Variants in NYAP1 observed in about 807,000 individuals in gnomAD.
The protein encoded by NYAP1 is neuronal tyrosine-phosphorylated phosphoinositide-3-kinase adapter 1.
Under a neutral mutation model 58.6 loss-of-function variants are expected in NYAP1, and 20 were observed. The ratio of observed to expected loss-of-function variants is 0.34; its 90% CI spans 0.24 to 0.50. The LOEUF (loss-of-function observed/expected upper bound fraction) is 0.50, where lower values mean the gene tolerates loss of function less well. Ranked by LOEUF, NYAP1 falls within the 20% of genes least tolerant of loss-of-function variation. The probability of loss-of-function intolerance (pLI) is 0.98; values close to 1 mark genes in which losing one functional copy is unlikely to be tolerated. For synonymous variants in NYAP1, 572 were observed against 523.1 expected (o/e 1.09, Z -1.27); for missense variants, 1,150 against 1,194.5 (o/e 0.96, Z 0.55).
rs1799688156 is a variant in NYAP1, at chr7:100,485,233, C to G, written c.-79C>G. On this transcript the variant is annotated 5_prime_UTR_variant, in exon 2 of 7. The change creates a new upstream start codon in the 5' untranslated region. Coordinates refer to ENST00000300179, the MANE Select transcript of NYAP1 (RefSeq NM_173564.4). This position sits in a 1 kb window ranked among gnomAD's most constrained non-coding sequence, Gnocchi z 5.7. ...TCACCCACCCCGCCCGCCAGTGGAT[C>G]CGGGACCCAGGGAGGGCCGCCCCCC... 1 of 748,942 alleles carries G rather than the reference C, an allele frequency of 1.3e-6. No homozygotes were observed. Among genetic ancestry groups the G allele is most frequent in the African/African-American group, 1.8e-5 (1 of 56,780 alleles). The allele number at this position is 748,942 out of a possible 1,614,324, so 46.4% of individuals were successfully genotyped here.
chr7:100,488,629 C>T lies in NYAP1; in HGVS notation c.908C>T (p.Pro303Leu), dbSNP rs1799740970. 6.2e-6 allele frequency: 10 copies of T among 1,610,574 alleles called. No homozygotes were observed. Among genetic ancestry groups the T allele is most frequent in the Non-Finnish European group, 8.5e-6 (10 of 1,178,780 alleles). ...HALPPHAHRR[P>L]ASALPSRRDG... Reference sequence around the variant, plus strand: ...CTTCCGCCCCATGCCCACCGCCGCCCAGCTTCAGCCCTCCCGAGCCGGAGG... The same window carrying T: ...CTTCCGCCCCATGCCCACCGCCGCCTAGCTTCAGCCCTCCCGAGCCGGAGG... Residue 303 changes from proline to leucine, a missense_variant, in exon 4 of 7, where the codon CCA becomes CTA. Physicochemically the swap from Pro to Leu is moderately conservative, Grantham distance 98 (BLOSUM62 -3). Transcript: ENST00000300179. The surrounding 1 kb of genome is among the most constrained non-coding windows in gnomAD (Gnocchi z 5.9).
rs780982342 is a variant in NYAP1 at position 100,493,675 on chromosome 7, C to T, written c.2298C>T (p.Pro766=). Residue 766 remains proline (P), a synonymous_variant, in exon 7 of 7, where the codon CCC becomes CCT. Transcript: ENST00000300179. ...ACCCCGCGCTGCCGCTGCCTCTGCC[C>T]CTGCCGCCCCAGCCGGCCCGCGAGC... is the stretch of plus-strand genomic sequence containing the variant. ...QPHPALPLPL[P]LPPQPARERD... is the part of the protein sequence containing the mutation. 8 of 1,587,898 alleles carry T rather than the reference C, an allele frequency of 5.0e-6. No individual in the cohort carries two copies. Among genetic ancestry groups the T allele is most frequent in the Non-Finnish European group, 6.8e-6 (8 of 1,172,124 alleles).
Position 100,485,359 on chromosome 7 carries a change from G to A in NYAP1, c.48G>A (p.Lys16=), listed in dbSNP as rs370814618. The A allele has an allele frequency of 2.5e-5, 40 of 1,603,430 alleles. No individual in the cohort carries two copies. The highest frequency in any genetic ancestry group is 3.3e-5 in the Non-Finnish European group (39 of 1,174,672). ...CCAAGCTGGAGTGGAGGCAGCACAA[G>A]GAAGAGGAGGCCAAGAGGAGGTAAG... ...RKTKLEWRQH[K]EEEAKRSSSK... The change falls in exon 2 of 7, where the codon AAG becomes AAA. Residue 16 remains lysine (K), a synonymous_variant. Transcript: ENST00000300179. The surrounding 1 kb of genome is among the most constrained non-coding windows in gnomAD (Gnocchi z 5.7).
chr7:100,493,787 T>C lies in NYAP1; in HGVS notation c.2410T>C (p.Cys804Arg). The C allele has an allele frequency of 6.2e-7, 1 of 1,604,628 alleles. No individual in the cohort carries two copies. Among genetic ancestry groups the C allele is most frequent in the Non-Finnish European group, 8.5e-7 (1 of 1,177,868 alleles). ...GCGCCACCGCCCGGACCGAGGCCTC[T>C]GCAAGCAGGAGAGCATGCCCATCCT... ...KARHRPDRGL[C>R]KQESMPILPS... The change falls in exon 7 of 7, where the codon TGC becomes CGC. Residue 804 changes from cysteine to arginine, a missense_variant. Transcript: ENST00000300179.
At chr7:100,492,237 T>C (rs6979335) in intron 6 of NYAP1, among the ~76,000 whole-genome samples, 25,654 of 144,298 alleles carry the variant, frequency 0.18, 2,307 homozygotes, top group Middle Eastern at 0.21. Context: ...AGACTCTGTC[T>C]CAAAAAAAAA....
In NYAP1 at chr7:100,488,689, TC is replaced by T; in HGVS notation, c.974del (p.Pro325ArgfsTer106). Reference protein sequence around the residue: ...GTPTKTTPCEIPPPFPNLLQH... With the variant: ...GTPTKTTPCEXPPPFPNLLQH... ...CCCACCAAGACCACTCCTTGTGAAA[TC>T]CCCCCGCCCTTCCCCAACCTCCTTC... On this transcript the variant is annotated frameshift_variant, in exon 4 of 7. Coordinates refer to ENST00000300179, the MANE Select transcript of NYAP1 (RefSeq NM_173564.4). LOFTEE classifies it high-confidence loss of function. The surrounding 1 kb of genome is among the most constrained non-coding windows in gnomAD (Gnocchi z 5.9). 6.2e-7 allele frequency: 1 copy of T among 1,609,142 alleles called. No homozygotes were observed.
At chr7:100,491,677 C>T (rs903773940) in intron 6 of NYAP1, among the ~76,000 whole-genome samples, 6 of 151,756 alleles carry the variant, frequency 4.0e-5, no homozygotes, top group East Asian at 1.9e-4. Flanking sequence ...TTTGGGAGGC[C>T]GAGGCGGGCA....
Position 100,487,625 on chromosome 7 carries a change from C to T in NYAP1, c.430+443C>T, listed in dbSNP as rs1163624735. The stretch of plus-strand genomic sequence containing the variant: ...CAAGCAGTTCTCCTGCCTCAGCCTC[C>T]CAGGTAGCTGGGATTACAGGCGTCC... On this transcript the variant is annotated intron_variant, in intron 3 of 6. Coordinates refer to ENST00000300179, the MANE Select transcript of NYAP1 (RefSeq NM_173564.4). The surrounding 1 kb of genome is among the most constrained non-coding windows in gnomAD (Gnocchi z 4.1). Among the ~76,000 whole-genome samples the T allele has an allele frequency of 6.6e-6, 1 of 152,192 alleles. No individual in the cohort carries two copies. Among genetic ancestry groups the T allele is most frequent in the Non-Finnish European group, 1.5e-5 (1 of 68,030 alleles).
Position 100,490,436 on chromosome 7 carries a change from C to A in NYAP1, c.1946-81C>A. On this transcript the variant is annotated intron_variant, in intron 4 of 6. Coordinates refer to ENST00000300179, the MANE Select transcript of NYAP1 (RefSeq NM_173564.4). This position sits in a 1 kb window ranked among gnomAD's most constrained non-coding sequence, Gnocchi z 4.6. Reference sequence around the variant, plus strand: ...GGGCAATTGTGTCTCCTGGTCCACCCATACTGCAGCATGTGTGGCCAGAGG... The same window carrying A: ...GGGCAATTGTGTCTCCTGGTCCACCAATACTGCAGCATGTGTGGCCAGAGG... The A allele has an allele frequency of 7.5e-7, 1 of 1,334,558 alleles. No individual in the cohort carries two copies. The allele number at this position is 1,334,558 out of a possible 1,614,324, so 82.7% of individuals were successfully genotyped here.
Position 100,489,359 on chromosome 7 carries a change from C to A in NYAP1, c.1638C>A (p.Thr546=). ...SLPDPTVGPL[T]PLWTYPATAA... The stretch of plus-strand genomic sequence containing the variant: ...CGGACCCAACTGTAGGCCCCCTGAC[C>A]CCGCTGTGGACCTACCCAGCCACAG... The change falls in exon 4 of 7, where the codon ACC becomes ACA. Residue 546 remains threonine (T), a synonymous_variant. Transcript: ENST00000300179. 2 of 1,612,162 alleles carry A rather than the reference C, an allele frequency of 1.2e-6. No individual in the cohort carries two copies. The highest frequency in any genetic ancestry group is 2.2e-5 in the East Asian group (1 of 44,842).
chr7:100,494,432 A>G lies in NYAP1; in HGVS notation c.*529A>G, dbSNP rs112223799. 1,563 of 152,428 alleles carry G rather than the reference A, an allele frequency of 0.01. 17 individuals are homozygous for G. Among genetic ancestry groups the G allele is most frequent in the South Asian group, 0.02 (97 of 4,818 alleles). 9.4% of individuals were successfully genotyped at this position (152,428 alleles called of 1,614,324 possible). A position where few individuals can be genotyped will look rare whatever the true frequency, so the allele number is the denominator to read the frequency against. On this transcript the variant is annotated 3_prime_UTR_variant, in exon 7 of 7. Coordinates refer to ENST00000300179, the MANE Select transcript of NYAP1 (RefSeq NM_173564.4). ...CAGGGCCAAGTTTGCACTCTCCCCA[A>G]TGCCAATGCCTAAAGGCCCCGCCGT...
Position 100,486,978 on chromosome 7 carries a change from A to C in NYAP1, c.226A>C (p.Ser76Arg), listed in dbSNP as rs1799712849. Residue 76 changes from serine (S) to arginine (R), a missense_variant, in exon 3 of 7, where the codon AGC becomes CGC. Transcript: ENST00000300179. This position sits in a 1 kb window ranked among gnomAD's most constrained non-coding sequence, Gnocchi z 6.2. ...GGAGCACACCCCGCACCCCTGCCGC[A>C]GCGCCATGGCCCCACGCTCCCTCTC... ...SQEHTPHPCR[S>R]AMAPRSLSCH... 6.2e-7 allele frequency: 1 copy of C among 1,607,786 alleles called. No homozygotes were observed. The highest frequency in any genetic ancestry group is 8.5e-7 in the Non-Finnish European group (1 of 1,177,878).
At position 100,489,509 on chromosome 7, in the gene NYAP1, TGGG is replaced by T; in HGVS notation, c.1791_1793del (p.Gly598del). 1.2e-6 allele frequency: 2 copies of T among 1,613,078 alleles called. No homozygotes were observed. Among genetic ancestry groups the T allele is most frequent in the Non-Finnish European group, 8.5e-7 (1 of 1,179,908 alleles). On this transcript the variant is annotated inframe_deletion, in exon 4 of 7. Coordinates refer to ENST00000300179, the MANE Select transcript of NYAP1 (RefSeq NM_173564.4). ...TCCAGCTGCAGGAGCAAGGGACCGA[TGGG>T]GGTGCTTTTGCCAGCATCTCCTGTG... is the stretch of plus-strand genomic sequence containing the variant.
Position 100,494,245 on chromosome 7 carries a change from G to C in NYAP1, c.*342G>C. ...GAGGAAGGAAGGGATGGGAGGAAGA[G>C]GGGGGTGGGTGAGCTGAAAGAGAGG... On this transcript the variant is annotated 3_prime_UTR_variant, in exon 7 of 7. Transcript: ENST00000300179. 1 of 260,280 alleles carries C rather than the reference G, an allele frequency of 3.8e-6. No individual in the cohort carries two copies. The highest frequency in any genetic ancestry group is 7.3e-6 in the Non-Finnish European group (1 of 137,646). The allele number at this position is 260,280 out of a possible 1,614,324, so 16.1% of individuals were successfully genotyped here.
chr7:100,489,917 C>G (rs773498358), intron 4 of NYAP1, among the ~76,000 whole-genome samples: 5 of 152,054 alleles, frequency 3.3e-5, no homozygotes, highest in Admixed American at 6.6e-5. Flanking sequence ...CTGCTCTGCT[C>G]CCTGCCCCTC....
chr7:100,490,676 G>T lies in NYAP1; in HGVS notation c.2105G>T (p.Arg702Leu). The change falls in exon 5 of 7, where the codon CGC becomes CTC. Residue 702 changes from arginine (R) to leucine (L), a missense_variant. Physicochemically the swap from Arg to Leu is moderately radical, Grantham distance 102. Coordinates refer to ENST00000300179, the MANE Select transcript of NYAP1 (RefSeq NM_173564.4). The surrounding 1 kb of genome is among the most constrained non-coding windows in gnomAD (Gnocchi z 4.6). ...CACCATGGAGACCGAGGAGGGAGCC[G>T]CACCGCGCTGCCCATTCCCTGCCAG... ...RIHHGDRGGS[R>L]TALPIPCQTF... 6.4e-7 allele frequency: 1 copy of T among 1,552,004 alleles called. No individual in the cohort carries two copies. The highest frequency in any genetic ancestry group is 8.7e-7 in the Non-Finnish European group (1 of 1,147,848).
rs1192641025 is a variant in NYAP1 at position 100,492,931 on chromosome 7, A to G, written c.2269-715A>G. Among the ~76,000 whole-genome samples, 3 of 151,914 alleles carry G rather than the reference A, an allele frequency of 2.0e-5. No individual in the cohort carries two copies. In the East Asian group the frequency reaches 5.8e-4, roughly 29 times the overall value. ...AAAAAGAGAGAGAGTGAGAGAAAGA[A>G]GGAAGAAAGAGAGAAGGAGAGAAAG... On this transcript the variant is annotated intron_variant, in intron 6 of 6. Coordinates refer to ENST00000300179, the MANE Select transcript of NYAP1 (RefSeq NM_173564.4).
chr7:100,489,704 G>A, intron 4 of NYAP1, 38 bp downstream of exon 4: 1 of 1,199,462 alleles, frequency 8.3e-7, no homozygotes, highest in East Asian at 2.8e-5. Flanking sequence ...GGCATCAGGG[G>A]TGGGGGGCAG....
chr7:100,487,527 A>G lies in NYAP1; in HGVS notation c.430+345A>G, dbSNP rs1169060687. ...CAGCACTTTTTTTTTTTTGAGACAG[A>G]GTCTCGCTCTGTTGCCCAGGCAGGA... On this transcript the variant is annotated intron_variant, in intron 3 of 6. Transcript: ENST00000300179. This position sits in a 1 kb window ranked among gnomAD's most constrained non-coding sequence, Gnocchi z 4.1. Among the ~76,000 whole-genome samples, 1 of 151,824 alleles carries G rather than the reference A, an allele frequency of 6.6e-6. No homozygotes were observed. Among genetic ancestry groups the G allele is most frequent in the Non-Finnish European group, 1.5e-5 (1 of 67,930 alleles).
Sources: gnomAD v4.1 joint callset for allele counts (sites outside exome capture counted in the v4.1 genomes callset) on GRCh38, gnomAD v4.1.1 for gene constraint, Gnocchi (gnomAD v3.1) non-coding constraint, MANE v1.5 for transcripts, NCBI Gene and HGNC (gene_info 2026-07-23, HGNC 2026-07-21) for gene names.